Variants in PTBP1 observed in about 807,000 individuals in gnomAD.
PTBP1 encodes the protein polypyrimidine tract-binding protein 1.
A neutral mutation model predicts 59.8 loss-of-function variants in PTBP1; 8 were observed. The observed-to-expected ratio is 0.13, with a 90% CI of 0.08 to 0.24. The LOEUF is 0.24. Ranked by LOEUF, PTBP1 falls within the 10% of genes least tolerant of loss-of-function variation. The probability of loss-of-function intolerance (pLI) is 1.00; values close to 1 mark genes in which losing one functional copy is unlikely to be tolerated. For synonymous variants in PTBP1, 490 were observed against 320.7 expected, an observed-to-expected ratio of 1.53 and a Z score of -5.64; for missense variants, 686 against 767.0, an observed-to-expected ratio of 0.89 and a Z score of 1.25.
intron 2 of PTBP1, among the ~76,000 whole-genome samples, chr19:800,628 C>A (rs578115836): frequency 6.6e-6 from 1 of 152,200 alleles, no homozygotes; most frequent in Non-Finnish European, 1.5e-5. Context: ...GGCCAGGTTT[C>A]GGTTTTTCCC....
At chr19:810,378 C>CT (rs760400303) in intron 13 of PTBP1, among the ~76,000 whole-genome samples, 165 bp from the exon 14 acceptor site, 5 of 152,240 alleles carry the variant, frequency 3.3e-5, no homozygotes, top group Non-Finnish European at 5.9e-5. Flanking sequence ...TTAGAAGCTG[C>CT]TTCAGACCAT....
At chr19:806,355 C>G (rs2034574633) in intron 9 of PTBP1, 53 bp from the exon 10 acceptor site, 3 of 1,543,954 alleles carry the variant, frequency 1.9e-6, no homozygotes, top group Non-Finnish European at 2.6e-6. Flanking sequence ...GCCTCTCCCA[C>G]TCTGCGGTGG....
chr19:802,029 C>T (rs1484306872), intron 2 of PTBP1, among the ~76,000 whole-genome samples: 2 of 152,190 alleles, frequency 1.3e-5, no homozygotes, highest in African/African-American at 4.8e-5. Flanking sequence ...TGGGTGGGCG[C>T]CGGGCCTGTG....
Position 805,551 on chromosome 19 carries a change from G to A in PTBP1, c.952G>A (p.Ala318Thr), listed in dbSNP as rs2145050985. The A allele has an allele frequency of 1.2e-6, 2 of 1,613,806 alleles. No homozygotes were observed. Among genetic ancestry groups the A allele is most frequent in the Non-Finnish European group, 1.7e-6 (2 of 1,179,684 alleles). Residue 318 changes from alanine (A) to threonine (T), a missense_variant, in exon 9 of 15, where the codon GCC (alanine) becomes ACC (threonine). Ala to Thr is a moderately conservative substitution (Grantham distance 58). Coordinates refer to ENST00000356948, the MANE Select transcript of PTBP1 (RefSeq NM_002819.5). ...AGGAGCTGGTTTCCCTCCCACCTTT[G>A]CCATTCCTCAAGCTGCAGGTATTCA... is the stretch of plus-strand genomic sequence containing the variant. ...YAGAGFPPTFAIPQAAGLSVP... is the reference protein window; with the variant it reads ...YAGAGFPPTFTIPQAAGLSVP...
intron 8 of PTBP1, 59 bp downstream of exon 8, chr19:805,246 C>A: frequency 2.5e-6 from 4 of 1,575,644 alleles, no homozygotes; most frequent in South Asian, 1.1e-5. Context: ...GCCGCTCAGT[C>A]CGGAGCCCCG....
chr19:802,828 G>A (rs2034395385), intron 2 of PTBP1, among the ~76,000 whole-genome samples: 1 of 152,228 alleles, frequency 6.6e-6, no homozygotes, highest in Admixed American at 6.5e-5. Flanking sequence ...CTTAGAAGTT[G>A]ATCCAATTAC....
chr19:805,460 G>A (rs1003470475), intron 8 of PTBP1, 32 bp from the exon 9 acceptor site: 6 of 1,583,232 alleles, frequency 3.8e-6, no homozygotes, highest in Non-Finnish European at 5.2e-6. Flanking sequence ...GGAGGTTGTG[G>A]GTGCGATGAT....
chr19:804,808 G>A, intron 6 of PTBP1, 21 bp from the exon 7 acceptor site: 2 of 1,610,946 alleles, frequency 1.2e-6, no homozygotes, highest in Non-Finnish European at 1.7e-6. Context: ...AGGAGCTCAT[G>A]CTGTGGCCCG....
At chr19:804,001 G>C (rs1391192780) in intron 3 of PTBP1, 35 bp from the exon 4 acceptor site, 2 of 1,612,852 alleles carry the variant, frequency 1.2e-6, no homozygotes, top group Non-Finnish European at 1.7e-6. Flanking sequence ...GCTCCTGCGA[G>C]TTGGTGCCTG....
rs766813394 is a variant in PTBP1, at chr19:799,310, C to T, written c.9-103C>T. Reference sequence around the variant, plus strand: ...GCCAGAGGGAGCCCTGCGGAGGTGGCAGCTGCAGGGACCTACGGGCTCTCC... The same window carrying T: ...GCCAGAGGGAGCCCTGCGGAGGTGGTAGCTGCAGGGACCTACGGGCTCTCC... On this transcript the variant is annotated intron_variant, in intron 1 of 14. Coordinates refer to ENST00000356948, the MANE Select transcript of PTBP1 (RefSeq NM_002819.5). The T allele has an allele frequency of 1.8e-5, 19 of 1,043,888 alleles. No homozygotes were observed. The Admixed American group carries it at 3.2e-4, about 18-fold the overall frequency. The allele number at this position is 1,043,888 out of a possible 1,614,324, so 64.7% of individuals were successfully genotyped here.
intron 2 of PTBP1, among the ~76,000 whole-genome samples, chr19:799,769 C>A (rs975757421): frequency 2.0e-5 from 3 of 152,188 alleles, no homozygotes; most frequent in African/African-American, 7.2e-5. Flanking sequence ...TCGTGCCGTT[C>A]AGTGGGAAAC....
intron 13 of PTBP1, 22 bp from the exon 14 acceptor site, chr19:810,521 T>TCA (rs1568277032): frequency 2.5e-6 from 4 of 1,610,916 alleles, no homozygotes; most frequent in Admixed American, 3.4e-5. Flanking sequence ...GGCCCCAGGC[T>TCA]CACGCCTTTC....
At chr19:810,487 G>C in intron 13 of PTBP1, 56 bp from the exon 14 acceptor site, 1 of 1,518,126 alleles carries the variant, frequency 6.6e-7, no homozygotes, top group Non-Finnish European at 9.1e-7. Flanking sequence ...TCGCGGACCT[G>C]ACTGGGCGCC....
chr19:806,082 T>C (rs1427660646), intron 9 of PTBP1: 2 of 289,392 alleles, frequency 6.9e-6, no homozygotes, highest in East Asian at 7.0e-5. Context: ...GCATGCGCGG[T>C]GGTCCCGGGA....
chr19:799,558 G>A (rs1199074590), intron 2 of PTBP1, 115 bp downstream of exon 2: 11 of 1,014,660 alleles, frequency 1.1e-5, no homozygotes, highest in Non-Finnish European at 1.6e-5. Context: ...TTCCTAAGGG[G>A]CACTACCCTT....
At chr19:810,492 G>A in intron 13 of PTBP1, 51 bp from the exon 14 acceptor site, 1 of 1,542,248 alleles carries the variant, frequency 6.5e-7, no homozygotes, top group East Asian at 2.3e-5. Flanking sequence ...GACCTGACTG[G>A]GCGCCCCCAC....
chr19:799,485 C>T (rs543895931), intron 2 of PTBP1, 42 bp downstream of exon 2: 12 of 1,608,246 alleles, frequency 7.5e-6, no homozygotes, highest in African/African-American at 1.3e-5. Flanking sequence ...GCTCCTCTGA[C>T]CTTGTGCCGA....
chr19:804,479 CGGG>C, intron 5 of PTBP1, 41 bp downstream of exon 5: 1 of 1,596,384 alleles, frequency 6.3e-7, no homozygotes, highest in Non-Finnish European at 8.5e-7. Flanking sequence ...CCGGGGACCT[CGGG>C]GGTGGGCCCA....
At chr19:797,975 G>A (rs2034151259) in intron 1 of PTBP1, among the ~76,000 whole-genome samples, 3 of 149,508 alleles carry the variant, frequency 2.0e-5, no homozygotes, top group Non-Finnish European at 1.5e-5. Context: ...CGCCTTTCCC[G>A]CCGCCCGGAC....
Sources: gnomAD v4.1 joint callset for allele counts (sites outside exome capture counted in the v4.1 genomes callset) on GRCh38, gnomAD v4.1.1 for gene constraint, MANE v1.5 for transcripts, NCBI Gene and HGNC (gene_info 2026-07-23, HGNC 2026-07-21) for gene names.